RASEF: variants seen among roughly 807,000 people sequenced by gnomAD.
RASEF encodes the protein ras and EF-hand domain-containing protein.
Under a neutral mutation model 90.1 loss-of-function variants are expected in RASEF, and 68 were observed. The observed-to-expected ratio is 0.75, with a 90% CI of 0.62 to 0.92. The LOEUF (loss-of-function observed/expected upper bound fraction) is 0.92. Ranked by LOEUF, RASEF falls within the 40% of genes least tolerant of loss-of-function variation. RASEF has a pLI of 0.00. For missense variants in RASEF, 949 were observed against 937.2 expected (o/e 1.01, Z -0.16); for synonymous variants, 331 against 345.2 (o/e 0.96, Z 0.46).
intron 5 of RASEF, among the ~76,000 whole-genome samples, chr9:83,011,567 A>AAAC (rs1314435901): frequency 6.6e-5 from 10 of 150,636 alleles, no homozygotes; most frequent in Admixed American, 4.0e-4. Flanking sequence ...AAAAAAAAAA[A>AAAC]AAAAAAAAAC....
chr9:83,013,984 T>C (rs565558678), intron 4 of RASEF, among the ~76,000 whole-genome samples: 4 of 152,316 alleles, frequency 2.6e-5, no homozygotes, highest in African/African-American at 9.6e-5. Flanking sequence ...TCCTGACACA[T>C]GGGCTTTCTT....
the RASEF span, among the ~76,000 whole-genome samples, chr9:83,184,894 T>C: frequency 6.6e-6 from 1 of 152,146 alleles, no homozygotes; most frequent in African/African-American, 2.4e-5. Context: ...TGAGGTTTTA[T>C]TTATTAGAGT....
At chr9:83,152,866 T>C in the RASEF span, among the ~76,000 whole-genome samples, 1 of 152,166 alleles carries the variant, frequency 6.6e-6, no homozygotes, top group Non-Finnish European at 1.5e-5. Flanking sequence ...AGGAAAACTT[T>C]AGGCACTGTT....
chr9:82,991,189 C>T (rs1828808022), intron 15 of RASEF, among the ~76,000 whole-genome samples: 1 of 152,150 alleles, frequency 6.6e-6, no homozygotes, highest in Non-Finnish European at 1.5e-5. Context: ...GCCTTCCCAC[C>T]TTGGGACCTT....
the RASEF span, among the ~76,000 whole-genome samples, chr9:83,135,438 A>G: frequency 1.3e-5 from 2 of 152,134 alleles, no homozygotes; most frequent in Admixed American, 1.3e-4. Context: ...GCACATGTAT[A>G]CATATGTAAC....
At chr9:83,201,830 G>C in the RASEF span, 1 of 152,242 alleles carries the variant, frequency 6.6e-6, no homozygotes, top group East Asian at 1.9e-4. Context: ...TAGCTCCTAA[G>C]GGCATGAATA....
At chr9:83,048,319 G>A in intron 1 of RASEF, 1 of 985,312 alleles carries the variant, frequency 1.0e-6, no homozygotes, top group Non-Finnish European at 1.2e-6. Context: ...TAGAGGGGTG[G>A]AAACTCCCTG....
chr9:83,188,669 C>T, the RASEF span, among the ~76,000 whole-genome samples: 1 of 152,166 alleles, frequency 6.6e-6, no homozygotes, highest in Non-Finnish European at 1.5e-5. Context: ...ACACACATAC[C>T]GGACAGAGAC....
the RASEF span, among the ~76,000 whole-genome samples, chr9:83,161,891 T>G: frequency 6.6e-6 from 1 of 152,038 alleles, no homozygotes; most frequent in Non-Finnish European, 1.5e-5. Context: ...TCTCCTCTCT[T>G]GTCTGCCACC....
chr9:83,201,099 A>G, the RASEF span: 2 of 152,184 alleles, frequency 1.3e-5, no homozygotes, highest in South Asian at 2.1e-4. Flanking sequence ...ACCCCACCCA[A>G]TGATATAGGT....
chr9:83,187,415 C>A, the RASEF span, among the ~76,000 whole-genome samples: 1 of 151,928 alleles, frequency 6.6e-6, no homozygotes, highest in African/African-American at 2.4e-5. Context: ...TTTTTTAAAT[C>A]TTCTTTCTGG....
intron 3 of RASEF, among the ~76,000 whole-genome samples, chr9:83,019,845 C>G (rs1829411397): frequency 6.6e-6 from 1 of 152,134 alleles, no homozygotes; most frequent in African/African-American, 2.4e-5. Flanking sequence ...GATTCCACTT[C>G]TATACAGTTC....
chr9:83,189,393 T>C, the RASEF span, among the ~76,000 whole-genome samples: 2 of 152,200 alleles, frequency 1.3e-5, no homozygotes, highest in Non-Finnish European at 2.9e-5. Context: ...TACCCAGTCT[T>C]GGGTATGTCT....
chr9:83,039,974 G>A (rs1161056999), intron 1 of RASEF, among the ~76,000 whole-genome samples: 1 of 152,068 alleles, frequency 6.6e-6, no homozygotes, highest in East Asian at 1.9e-4. Flanking sequence ...CTGATGGAAG[G>A]TAACTGAATC....
chr9:83,048,218 C>T, intron 1 of RASEF: 6 of 985,358 alleles, frequency 6.1e-6, no homozygotes, highest in Non-Finnish European at 7.2e-6. Flanking sequence ...CTGACAGGGA[C>T]CGGCAGTCCT....
chr9:83,021,722 A>G (rs1437283994), intron 3 of RASEF, among the ~76,000 whole-genome samples: 3 of 152,260 alleles, frequency 2.0e-5, no homozygotes, highest in African/African-American at 4.8e-5. Flanking sequence ...TAAGTAATCC[A>G]GAGATGATTT....
intron 15 of RASEF, among the ~76,000 whole-genome samples, chr9:82,991,969 A>G (rs964031700): frequency 1.3e-5 from 2 of 152,188 alleles, no homozygotes; most frequent in Non-Finnish European, 1.5e-5. Context: ...GCACACAATG[A>G]AGTGTTTGTT....
At chr9:83,118,889 G>A in the RASEF span, among the ~76,000 whole-genome samples, 2 of 152,092 alleles carry the variant, frequency 1.3e-5, no homozygotes, top group African/African-American at 4.8e-5. Context: ...ATGACACATT[G>A]GGTCCCATTG....
chr9:83,185,308 C>A, the RASEF span, among the ~76,000 whole-genome samples: 1 of 151,706 alleles, frequency 6.6e-6, no homozygotes, highest in African/African-American at 2.4e-5. Flanking sequence ...CAGAGGTGGA[C>A]CATTAAAGGG....
Sources: allele counts gnomAD v4.1 joint callset (sites outside exome capture counted in the v4.1 genomes callset), GRCh38; gene constraint gnomAD v4.1.1; transcripts MANE v1.5; gene names NCBI Gene and HGNC (gene_info 2026-07-23, HGNC 2026-07-21).